ATP8A2: variants seen among roughly 807,000 people sequenced by gnomAD.
ATP8A2 encodes ATPase phospholipid transporting 8A2, also known as phospholipid-transporting ATPase IB.
A neutral mutation model predicts 165.6 loss-of-function variants in ATP8A2; 100 were observed. That is an observed-to-expected ratio of 0.60 (90% CI 0.51 to 0.71). The LOEUF is 0.71. Ranked by LOEUF, ATP8A2 falls within the 30% of genes least tolerant of loss-of-function variation. The probability of loss-of-function intolerance (pLI) is 0.00; values close to 1 mark genes in which losing one functional copy is unlikely to be tolerated. For synonymous variants in ATP8A2, 543 were observed against 548.8 expected (o/e 0.99, Z 0.15); for missense variants, 1,227 against 1,479.5 (o/e 0.83, Z 2.80).
chr13:25,435,959 G>GTA lies in ATP8A2; in HGVS notation c.77-33017_77-33016insAT, dbSNP rs1408313267. 9.6e-4 allele frequency among the ~76,000 whole-genome samples: 144 copies of GTA among 150,312 alleles called. 2 individuals are homozygous for GTA. Among genetic ancestry groups the GTA allele is most frequent in the Middle Eastern group, 3.4e-3 (1 of 292 alleles). On this transcript the variant is annotated intron_variant, in intron 1 of 36. Transcript: ENST00000381655. ...TGTGTGTGTGTGTGTGTGAGTGTGT[G>GTA]TGTGTGTGTGTGTATGTGTGTGTGA...
At chr13:26,012,785 G>A (rs1161603586) in intron 36 of ATP8A2, among the ~76,000 whole-genome samples, 163 bp downstream of exon 36, 1 of 151,852 alleles carries the variant, frequency 6.6e-6, no homozygotes, top group African/African-American at 2.4e-5. Flanking sequence ...TGTGTATTTG[G>A]CCCCAGGAAC....
chr13:25,626,587 C>T (rs1434817170), intron 24 of ATP8A2, among the ~76,000 whole-genome samples: 1 of 152,020 alleles, frequency 6.6e-6, no homozygotes, highest in Admixed American at 6.6e-5. Flanking sequence ...ACTCAGAGCT[C>T]AACTGTGGGA....
chr13:25,716,065 A>G (rs1002404592), intron 25 of ATP8A2, among the ~76,000 whole-genome samples: 3 of 152,204 alleles, frequency 2.0e-5, no homozygotes, highest in African/African-American at 7.2e-5. Flanking sequence ...CATTTCCCTG[A>G]TGATTAAAGA....
At chr13:25,874,666 A>G (rs1281533895) in intron 33 of ATP8A2, among the ~76,000 whole-genome samples, 6 of 152,178 alleles carry the variant, frequency 3.9e-5, no homozygotes, top group Non-Finnish European at 1.5e-5. Context: ...GAGGTGGCTC[A>G]AGAAATTAAA....
intron 15 of ATP8A2, among the ~76,000 whole-genome samples, chr13:25,560,555 C>T (rs1393707980): frequency 2.6e-5 from 4 of 151,590 alleles, no homozygotes; most frequent in African/African-American, 9.7e-5. Flanking sequence ...CAAAAATTAG[C>T]TGGATGTGGT....
intron 24 of ATP8A2, among the ~76,000 whole-genome samples, chr13:25,607,471 G>A (rs1056018353): frequency 3.9e-5 from 6 of 152,232 alleles, no homozygotes; most frequent in Middle Eastern, 3.4e-3. Flanking sequence ...TGAAAATAAC[G>A]TTTAGTACTC....
chr13:25,715,936 A>G, intron 25 of ATP8A2, among the ~76,000 whole-genome samples: 1 of 152,130 alleles, frequency 6.6e-6, no homozygotes, highest in Non-Finnish European at 1.5e-5. Context: ...CACCCCATAC[A>G]TTTCCACTAG....
At chr13:25,891,990 CTT>C (rs370206922) in intron 33 of ATP8A2, among the ~76,000 whole-genome samples, 18 of 142,596 alleles carry the variant, frequency 1.3e-4, no homozygotes, top group Admixed American at 2.1e-4. Context: ...AAGCCTTTTT[CTT>C]TTTTTTTTTT....
intron 27 of ATP8A2, among the ~76,000 whole-genome samples, chr13:25,790,493 CTGGGAAACA>C (rs969683901): frequency 6.7e-6 from 1 of 150,054 alleles, no homozygotes; most frequent in African/African-American, 2.5e-5. Context: ...TGAGACCAGC[CTGGGAAACA>C]TGGCAAAACC....
At chr13:25,691,940 A>G (rs2042734137) in intron 24 of ATP8A2, among the ~76,000 whole-genome samples, 1 of 152,220 alleles carries the variant, frequency 6.6e-6, no homozygotes, top group African/African-American at 2.4e-5. Flanking sequence ...ATACAAAAGC[A>G]TGGAGAGCAT....
chr13:25,747,947 G>T (rs77264595), intron 25 of ATP8A2, among the ~76,000 whole-genome samples: 3,066 of 139,804 alleles, frequency 0.022, 101 homozygotes, highest in East Asian at 0.16. Context: ...TTATTACAAA[G>T]ACATTTATTG....
intron 24 of ATP8A2, among the ~76,000 whole-genome samples, chr13:25,629,855 A>G (rs1299487158): frequency 6.6e-6 from 1 of 152,112 alleles, no homozygotes; most frequent in Non-Finnish European, 1.5e-5. Context: ...TTTTATACTA[A>G]TATTTTTATT....
At chr13:25,947,790 CTT>C (rs934743717) in intron 33 of ATP8A2, among the ~76,000 whole-genome samples, 4 of 152,140 alleles carry the variant, frequency 2.6e-5, no homozygotes, top group African/African-American at 9.7e-5. Flanking sequence ...GTGGACAACA[CTT>C]TTCCTGAGCA....
chr13:25,700,958 G>T (rs369400209), intron 25 of ATP8A2, among the ~76,000 whole-genome samples: 1 of 152,070 alleles, frequency 6.6e-6, no homozygotes, highest in Non-Finnish European at 1.5e-5. Context: ...GATGTTGATC[G>T]TTTTTTCATG....
At chr13:25,544,135 A>G (rs1026327782) in intron 10 of ATP8A2, among the ~76,000 whole-genome samples, 6 of 152,250 alleles carry the variant, frequency 3.9e-5, no homozygotes, top group Admixed American at 3.3e-4. Flanking sequence ...CCACGTACCA[A>G]GTCTAGTGCT....
intron 27 of ATP8A2, among the ~76,000 whole-genome samples, chr13:25,811,441 G>C (rs945492690): frequency 2.0e-5 from 3 of 152,124 alleles, no homozygotes; most frequent in Non-Finnish European, 2.9e-5. Context: ...GTATACGTGT[G>C]TGTTATGTGT....
At chr13:25,515,047 G>C (rs78337765) in intron 2 of ATP8A2, among the ~76,000 whole-genome samples, 1 of 152,316 alleles carries the variant, frequency 6.6e-6, no homozygotes, top group African/African-American at 2.4e-5. Flanking sequence ...ACTCCCTAGT[G>C]TGGGCGGCCC....
At chr13:25,981,641 C>G (rs941749732) in intron 35 of ATP8A2, among the ~76,000 whole-genome samples, 39 of 152,100 alleles carry the variant, frequency 2.6e-4, no homozygotes, top group African/African-American at 9.2e-4. Flanking sequence ...TGTTCTTATA[C>G]TAATTAAATA....
chr13:25,834,649 G>A (rs957925891), intron 28 of ATP8A2, among the ~76,000 whole-genome samples: 2 of 152,178 alleles, frequency 1.3e-5, no homozygotes, highest in East Asian at 1.9e-4. Flanking sequence ...GCATGATGAA[G>A]AAAAATGTGT....
Sources: gnomAD v4.1 joint callset for allele counts (sites outside exome capture counted in the v4.1 genomes callset) on GRCh38, gnomAD v4.1.1 for gene constraint, MANE v1.5 for transcripts, NCBI Gene and HGNC (gene_info 2026-07-23, HGNC 2026-07-21) for gene names.